The following PACRG variants were observed in gnomAD, a reference collection of about 807,000 sequenced individuals.
PACRG encodes parkin coregulated gene protein.
Under a neutral mutation model 29.7 loss-of-function variants are expected in PACRG, and 29 were observed. The observed-to-expected ratio is 0.98, with a 90% CI of 0.73 to 1.33. The LOEUF (loss-of-function observed/expected upper bound fraction) is 1.33, where lower values mean the gene tolerates loss of function less well. PACRG is among the 40% of genes most tolerant of loss of function. The pLI is 0.00. For synonymous variants in PACRG, 116 were observed against 118.7 expected, an observed-to-expected ratio of 0.98 and a Z score of 0.15; for missense variants, 279 against 316.2, an observed-to-expected ratio of 0.88 and a Z score of 0.89.
chr6:162,823,049 T>C (rs955114913), intron 2 of PACRG, among the ~76,000 whole-genome samples: 5 of 152,224 alleles, frequency 3.3e-5, no homozygotes, highest in African/African-American at 1.2e-4. Context: ...ATTTTCCTTT[T>C]TCTGTATCTT....
chr6:163,209,461 G>C (rs114119536), intron 4 of PACRG, among the ~76,000 whole-genome samples: 98 of 152,292 alleles, frequency 6.4e-4, no homozygotes, highest in African/African-American at 2.3e-3. Flanking sequence ...ACTACATTGA[G>C]TGGTTGGGCA....
chr6:162,941,524 A>G (rs569443258), intron 2 of PACRG, among the ~76,000 whole-genome samples: 1 of 152,272 alleles, frequency 6.6e-6, no homozygotes, highest in Non-Finnish European at 1.5e-5. Context: ...TTAGACAGCA[A>G]TGCCTTCACA....
chr6:162,760,268 C>A (rs904396084), intron 1 of PACRG, among the ~76,000 whole-genome samples: 2 of 152,202 alleles, frequency 1.3e-5, no homozygotes, highest in Non-Finnish European at 2.9e-5. Flanking sequence ...CTGGGATCTA[C>A]ATGGGACATC....
intron 2 of PACRG, among the ~76,000 whole-genome samples, chr6:163,030,796 G>A (rs374120603): frequency 2.6e-4 from 39 of 152,252 alleles, no homozygotes; most frequent in African/African-American, 4.8e-4. Flanking sequence ...GTAAACTGTC[G>A]TGGCACTGGT....
intron 2 of PACRG, among the ~76,000 whole-genome samples, chr6:162,888,669 A>C (rs951187262): frequency 1.3e-5 from 2 of 152,112 alleles, no homozygotes; most frequent in African/African-American, 4.8e-5. Context: ...TCCCTTTCTG[A>C]AGACACACTT....
chr6:163,083,798 C>T (rs1485165703), intron 3 of PACRG, among the ~76,000 whole-genome samples: 1 of 151,824 alleles, frequency 6.6e-6, no homozygotes, highest in East Asian at 1.9e-4. Flanking sequence ...TTTGCTTTTG[C>T]CTTTTGTTTG....
intron 1 of PACRG, among the ~76,000 whole-genome samples, chr6:162,731,309 G>A (rs1779750487): frequency 6.6e-6 from 1 of 151,992 alleles, no homozygotes; most frequent in East Asian, 1.9e-4. Flanking sequence ...TCAGCTCTTT[G>A]TACAGATTCT....
Position 162,878,783 on chromosome 6 carries a change from C to T in PACRG, c.291+64502C>T, listed in dbSNP as rs75065444. On this transcript the variant is annotated intron_variant, in intron 2 of 4. Coordinates refer to ENST00000366888, the MANE Select transcript of PACRG (RefSeq NM_001080379.2). ...TATGTTGTTTCTAGCGGTAGTTTACCGTGATTTGTAGTATGTTAAGATGAA... is the reference window on the plus strand; with the variant it reads ...TATGTTGTTTCTAGCGGTAGTTTACTGTGATTTGTAGTATGTTAAGATGAA... Among the ~76,000 whole-genome samples the T allele has an allele frequency of 1.5e-3, 231 of 152,222 alleles. 2 individuals carry two copies. In the East Asian group the frequency reaches 0.018, roughly 12 times the overall value.
At chr6:162,999,073 C>T (rs2128195265) in intron 2 of PACRG, among the ~76,000 whole-genome samples, 1 of 152,166 alleles carries the variant, frequency 6.6e-6, no homozygotes, top group Admixed American at 6.5e-5. Flanking sequence ...ACTGGACAGA[C>T]ATTCATATTG....
At chr6:162,850,396 A>G (rs1409624646) in intron 2 of PACRG, among the ~76,000 whole-genome samples, 1 of 152,206 alleles carries the variant, frequency 6.6e-6, no homozygotes. Context: ...TTTTTATGCA[A>G]ATAAATCAAC....
At chr6:163,157,947 C>T in intron 4 of PACRG, among the ~76,000 whole-genome samples, 1 of 152,216 alleles carries the variant, frequency 6.6e-6, no homozygotes, top group East Asian at 1.9e-4. Flanking sequence ...TAACTCTTGA[C>T]TTTTCTATTA....
intron 4 of PACRG, among the ~76,000 whole-genome samples, chr6:163,267,128 T>C (rs999604234): frequency 2.0e-5 from 3 of 149,772 alleles, no homozygotes; most frequent in African/African-American, 7.3e-5. Flanking sequence ...ACTAAGCTCT[T>C]CCTGAAGCTT....
intron 1 of PACRG, among the ~76,000 whole-genome samples, chr6:162,769,109 C>G (rs1436090366): frequency 6.6e-6 from 1 of 152,106 alleles, no homozygotes; most frequent in Non-Finnish European, 1.5e-5. Context: ...GAGGTCACAT[C>G]ACAAACAGTA....
intron 4 of PACRG, among the ~76,000 whole-genome samples, chr6:163,287,795 G>A (rs1784450555): frequency 6.6e-6 from 1 of 152,164 alleles, no homozygotes; most frequent in South Asian, 2.1e-4. Context: ...TCTGAGTGTG[G>A]CGTGCGCAGT....
intron 4 of PACRG, among the ~76,000 whole-genome samples, chr6:163,237,401 G>A (rs572291645): frequency 2.6e-5 from 4 of 152,226 alleles, no homozygotes; most frequent in African/African-American, 7.2e-5. Flanking sequence ...ATCTTAGCAA[G>A]TATTTTTTAT....
Position 163,020,029 on chromosome 6 carries a change from A to T in PACRG, c.292-42121A>T, listed in dbSNP as rs111628920. On this transcript the variant is annotated intron_variant, in intron 2 of 4. Transcript: ENST00000366888. ...GCGAGATGTCTTCGTATTGGCAAAAACAGGAATCCTTAGAAGATCCTAATT... is the reference window on the plus strand; with the variant it reads ...GCGAGATGTCTTCGTATTGGCAAAATCAGGAATCCTTAGAAGATCCTAATT... 6.7e-3 allele frequency among the ~76,000 whole-genome samples: 1,025 copies of T among 152,320 alleles called. 14 individuals carry two copies. The highest frequency in any genetic ancestry group is 0.023 in the African/African-American group (965 of 41,572).
In PACRG at chr6:163,106,541, G is replaced by A. The variant is rs186004195; in HGVS notation, c.613+17133G>A. ...ATCCAAATTCAGCCTTTATGTAATA[G>A]TATGACATTTTTACTTTTGGAGTTT... is the stretch of plus-strand genomic sequence containing the variant. On this transcript the variant is annotated intron_variant, in intron 4 of 4. Transcript: ENST00000366888. Among the ~76,000 whole-genome samples the A allele has an allele frequency of 4.5e-3, 599 of 133,650 alleles. 5 individuals are homozygous for A. Among genetic ancestry groups the A allele is most frequent in the African/African-American group, 0.014 (553 of 38,880 alleles). 87.7% of individuals were successfully genotyped at this position (133,650 alleles called of 152,430 possible).
At chr6:163,162,273 G>A (rs1778588070) in intron 4 of PACRG, among the ~76,000 whole-genome samples, 1 of 152,216 alleles carries the variant, frequency 6.6e-6, no homozygotes, top group Non-Finnish European at 1.5e-5. Flanking sequence ...AGGTGATCTT[G>A]GAAATCAATG....
chr6:163,218,049 G>C lies in PACRG; in HGVS notation c.614-96778G>C, dbSNP rs200472648. ...ACTGGTCCCTGATGCCAAAAAGGCTGGGGCCCCTGCCCTAGGAAATTCATA... is the reference window on the plus strand; with the variant it reads ...ACTGGTCCCTGATGCCAAAAAGGCTCGGGCCCCTGCCCTAGGAAATTCATA... On this transcript the variant is annotated intron_variant, in intron 4 of 4. Transcript: ENST00000366888. Among the ~76,000 whole-genome samples, 5 of 152,254 alleles carry C rather than the reference G, an allele frequency of 3.3e-5. No homozygotes were observed. The East Asian group carries it at 9.7e-4, about 29-fold the overall frequency.
Sources: allele counts gnomAD v4.1 joint callset (sites outside exome capture counted in the v4.1 genomes callset), GRCh38; gene constraint gnomAD v4.1.1; transcripts MANE v1.5; gene names NCBI Gene and HGNC (gene_info 2026-07-23, HGNC 2026-07-21).